The following SIPA1L2 variants were observed in gnomAD, a reference collection of about 807,000 sequenced individuals.
SIPA1L2 encodes signal-induced proliferation-associated 1-like protein 2.
A neutral mutation model predicts 163.9 loss-of-function variants in SIPA1L2; 56 were observed. The observed-to-expected ratio is 0.34, with a 90% confidence interval of 0.28 to 0.43. SIPA1L2 has a LOEUF of 0.43. Ranked by LOEUF, SIPA1L2 falls within the 20% of genes least tolerant of loss-of-function variation. The pLI is 1.00. For missense variants in SIPA1L2, 1,974 were observed against 2,193.5 expected (o/e 0.90, Z 2.00); for synonymous variants, 877 against 865.7 (o/e 1.01, Z -0.23).
chr1:232,592,889 A>G (rs1573138841), intron 1 of SIPA1L2, among the ~76,000 whole-genome samples: 1 of 152,174 alleles, frequency 6.6e-6, no homozygotes, highest in East Asian at 1.9e-4. Flanking sequence ...TACGACTGGA[A>G]AAATGGAAGA....
At chr1:232,628,793 T>C (rs762312849) in intron 1 of SIPA1L2, among the ~76,000 whole-genome samples, 5 of 152,138 alleles carry the variant, frequency 3.3e-5, no homozygotes, top group Non-Finnish European at 5.9e-5. Flanking sequence ...AAGAAAGCCA[T>C]CTAGTGTTAA....
At chr1:232,585,125 C>T (rs754880063) in intron 1 of SIPA1L2, among the ~76,000 whole-genome samples, 1 of 152,156 alleles carries the variant, frequency 6.6e-6, no homozygotes, top group Non-Finnish European at 1.5e-5. Flanking sequence ...AATAAATGTA[C>T]AATTTGGGGA....
upstream of SIPA1L2, among the ~76,000 whole-genome samples, chr1:232,630,232 G>A (rs1327771519): frequency 6.6e-6 from 1 of 151,676 alleles, no homozygotes; most frequent in African/African-American, 2.4e-5. Context: ...GGCCCCCTCG[G>A]CCCCGCCCCA....
At chr1:232,490,599 T>G (rs1269342506) in intron 5 of SIPA1L2, 1 of 329,154 alleles carries the variant, frequency 3.0e-6, no homozygotes. Context: ...TTGACTTCTA[T>G]TAATCATGCA....
intron 7 of SIPA1L2, among the ~76,000 whole-genome samples, chr1:232,473,790 G>A (rs746895507): frequency 1.6e-4 from 25 of 152,134 alleles, no homozygotes; most frequent in Non-Finnish European, 3.4e-4. Flanking sequence ...ACGATTGGAG[G>A]CGGGAACAAG....
At chr1:232,629,472 A>G (rs907746710) in intron 1 of SIPA1L2, among the ~76,000 whole-genome samples, 8 of 152,216 alleles carry the variant, frequency 5.3e-5, no homozygotes, top group Admixed American at 1.3e-4. Flanking sequence ...GTTCGGCGTC[A>G]GCTGGCCAGG....
intron 2 of SIPA1L2, among the ~76,000 whole-genome samples, chr1:232,564,164 GTGTGTGTGT>G (rs1659239626): frequency 2.0e-5 from 2 of 98,696 alleles, no homozygotes; most frequent in African/African-American, 5.4e-5. Context: ...GTGTGTGTGT[GTGTGTGTGT>G]GTGTGTGTGT....
chr1:232,414,677 G>T (rs1439579373), intron 19 of SIPA1L2, among the ~76,000 whole-genome samples: 1 of 152,136 alleles, frequency 6.6e-6, no homozygotes, highest in Non-Finnish European at 1.5e-5. Flanking sequence ...TGCCTCCTTT[G>T]TCAGTCCTAG....
chr1:232,528,180 A>C (rs1262721183), intron 2 of SIPA1L2, among the ~76,000 whole-genome samples: 1 of 151,192 alleles, frequency 6.6e-6, no homozygotes, highest in Non-Finnish European at 1.5e-5. Context: ...TATTAACATA[A>C]TTACATTTAT....
At chr1:232,429,197 T>C (rs1253287725) in intron 16 of SIPA1L2, among the ~76,000 whole-genome samples, 1 of 152,190 alleles carries the variant, frequency 6.6e-6, no homozygotes, top group East Asian at 1.9e-4. Flanking sequence ...TGGGGAATCA[T>C]TCTAAAAAGG....
chr1:232,440,892 T>G (rs971279980), intron 14 of SIPA1L2, among the ~76,000 whole-genome samples: 1 of 152,234 alleles, frequency 6.6e-6, no homozygotes, highest in African/African-American at 2.4e-5. Flanking sequence ...GCGGCCGTGA[T>G]GATTAAATCA....
At chr1:232,560,763 C>T (rs1658987707) in intron 2 of SIPA1L2, among the ~76,000 whole-genome samples, 1 of 152,188 alleles carries the variant, frequency 6.6e-6, no homozygotes, top group Non-Finnish European at 1.5e-5. Flanking sequence ...CATATAATTT[C>T]TCACAGTGGA....
chr1:232,606,192 A>T (rs939164276), intron 1 of SIPA1L2, among the ~76,000 whole-genome samples: 3 of 152,274 alleles, frequency 2.0e-5, no homozygotes, highest in Admixed American at 6.5e-5. Context: ...TAAGTCATGT[A>T]GACTAATTCA....
chr1:232,528,102 A>ATATATATATCTATC (rs34779799), intron 2 of SIPA1L2, among the ~76,000 whole-genome samples: 2 of 118,498 alleles, frequency 1.7e-5, no homozygotes, highest in African/African-American at 6.9e-5. Flanking sequence ...ATATATATAT[A>ATATATATATCTATC]ATCAACTTTC....
chr1:232,403,545 G>C lies in SIPA1L2; in HGVS notation c.4843C>G (p.Leu1615Val). The change falls in exon 21 of 23, where the codon CTG becomes GTG. Residue 1615 changes from leucine to valine, a missense_variant. Leu to Val is a conservative substitution (Grantham distance 32). Around this residue, in one of 3 missense-constraint regions of SIPA1L2, gnomAD observed 1,079 missense variants for 1,150.7 expected, o/e 0.94. Transcript: ENST00000674635. ...TCCTGCCCATGCTGCATATCTGTCA[G>C]GGTGCAGAAGGATGCCACCCTCTGG... ...LDQRVASFCT[L>V]TDMQHGQDLE... is the part of the protein sequence containing the mutation. 6.2e-7 allele frequency: 1 copy of C among 1,613,938 alleles called. No individual in the cohort carries two copies. Among genetic ancestry groups the C allele is most frequent in the South Asian group, 1.1e-5 (1 of 91,028 alleles).
At chr1:232,588,763 A>C (rs1334401) in intron 1 of SIPA1L2, among the ~76,000 whole-genome samples, 42,694 of 152,170 alleles carry the variant, frequency 0.28, 6,137 homozygotes, top group African/African-American at 0.32. Flanking sequence ...AGGCAAGAAA[A>C]CAGCTGTCTT....
At chr1:232,595,593 C>T (rs1176613063) in intron 1 of SIPA1L2, among the ~76,000 whole-genome samples, 1 of 152,124 alleles carries the variant, frequency 6.6e-6, no homozygotes, top group Non-Finnish European at 1.5e-5. Context: ...TCAAACTCTG[C>T]TCTGGGTCTG....
rs74144374 is a variant in SIPA1L2 at position 232,549,897 on chromosome 1, A to G, written c.-270+24277T>C. ...CAGGGAAAAAGAATGGTGCTCTACA[A>G]TCATTCTGAAGCCTGGTCACCCACG... is the stretch of plus-strand genomic sequence containing the variant. On this transcript the variant is annotated intron_variant, in intron 2 of 22. Coordinates refer to ENST00000674635, the MANE Select transcript of SIPA1L2 (RefSeq NM_020808.5). 2.1e-3 allele frequency among the ~76,000 whole-genome samples: 320 copies of G among 152,314 alleles called. 3 individuals are homozygous for G. Among genetic ancestry groups the G allele is most frequent in the African/African-American group, 6.9e-3 (288 of 41,568 alleles).
intron 2 of SIPA1L2, among the ~76,000 whole-genome samples, chr1:232,530,607 T>C (rs1656858828): frequency 6.6e-6 from 1 of 152,178 alleles, no homozygotes; most frequent in Non-Finnish European, 1.5e-5. Flanking sequence ...AGTTTGGGGT[T>C]GTTTTGCCCA....
Sources: allele counts gnomAD v4.1 joint callset (sites outside exome capture counted in the v4.1 genomes callset), GRCh38; gene constraint gnomAD v4.1.1; regional missense constraint gnomAD v4.1.1; transcripts MANE v1.5; gene names NCBI Gene and HGNC (gene_info 2026-07-23, HGNC 2026-07-21).